Variants in FSTL4 observed in about 807,000 individuals in gnomAD.
The protein encoded by FSTL4 is follistatin like 4.
In FSTL4, 28 loss-of-function variants were observed where a neutral mutation model predicts 78.2. The observed-to-expected ratio is 0.36, with a 90% CI of 0.27 to 0.49. The LOEUF (loss-of-function observed/expected upper bound fraction) is 0.49, where lower values mean the gene tolerates loss of function less well. FSTL4 is among the 20% of genes least tolerant of loss of function. The pLI is 0.98. For synonymous variants in FSTL4, 422 were observed against 440.5 expected, an observed-to-expected ratio of 0.96 and a Z score of 0.53; for missense variants, 922 against 1,084.9, an observed-to-expected ratio of 0.85 and a Z score of 2.11.
At chr5:133,819,182 A>G in the FSTL4 span, among the ~76,000 whole-genome samples, 1 of 151,576 alleles carries the variant, frequency 6.6e-6, no homozygotes, top group African/African-American at 2.4e-5. Flanking sequence ...CAGCTAAAAT[A>G]AGAACCACCT....
chr5:133,424,009 G>T (rs1441962137), intron 3 of FSTL4, among the ~76,000 whole-genome samples: 2 of 152,158 alleles, frequency 1.3e-5, no homozygotes, highest in Non-Finnish European at 2.9e-5. Flanking sequence ...CTGTGTGCAC[G>T]AGGGCAAAGG....
At chr5:133,528,952 A>T (rs186968626) in intron 3 of FSTL4, among the ~76,000 whole-genome samples, 23 of 152,320 alleles carry the variant, frequency 1.5e-4, no homozygotes, top group Non-Finnish European at 2.9e-4. Flanking sequence ...TGTGCATGGC[A>T]GTGAGCAGTG....
chr5:133,669,566 C>A, the FSTL4 span, among the ~76,000 whole-genome samples: 2 of 152,230 alleles, frequency 1.3e-5, no homozygotes, highest in Non-Finnish European at 2.9e-5. Context: ...GCAGCACCAG[C>A]CTGTGGTGTG....
In FSTL4 at chr5:133,352,801, C is replaced by T. The variant is rs563582478; in HGVS notation, c.410-36149G>A. Among the ~76,000 whole-genome samples, 6 of 152,180 alleles carry T rather than the reference C, an allele frequency of 3.9e-5. No homozygotes were observed. The East Asian group carries it at 5.8e-4, about 15-fold the overall frequency. ...AGGAACTCCTTCTTTTTTATGGCTG[C>T]GTAGTATTCCATGGTGTGTATGTAC... On this transcript the variant is annotated intron_variant, in intron 4 of 15. Coordinates refer to ENST00000265342, the MANE Select transcript of FSTL4 (RefSeq NM_015082.2).
the FSTL4 span, among the ~76,000 whole-genome samples, chr5:133,804,921 C>T: frequency 2.3e-3 from 283 of 122,464 alleles, no homozygotes; most frequent in African/African-American, 8.4e-3. Context: ...CCAGCCTGGG[C>T]GACAGAGTGA....
At chr5:133,469,394 T>C (rs533401406) in intron 3 of FSTL4, among the ~76,000 whole-genome samples, 2 of 152,160 alleles carry the variant, frequency 1.3e-5, no homozygotes, top group East Asian at 1.9e-4. Flanking sequence ...CATTGAGATG[T>C]GGCTTTGGGA....
chr5:133,639,806 G>A, the FSTL4 span, among the ~76,000 whole-genome samples: 5 of 152,136 alleles, frequency 3.3e-5, no homozygotes, highest in African/African-American at 9.7e-5. Context: ...TACCAGCTCG[G>A]GGTTGAGCTT....
At chr5:133,529,046 T>C (rs954097748) in intron 3 of FSTL4, among the ~76,000 whole-genome samples, 1 of 152,102 alleles carries the variant, frequency 6.6e-6, no homozygotes, top group Non-Finnish European at 1.5e-5. Flanking sequence ...GGGATGCTGA[T>C]CCCCAGGGTA....
At chr5:133,628,597 T>G in the FSTL4 span, among the ~76,000 whole-genome samples, 5 of 152,182 alleles carry the variant, frequency 3.3e-5, no homozygotes, top group African/African-American at 1.2e-4. Flanking sequence ...CAACCTCAGG[T>G]GATCCACCCA....
At position 133,197,174 on chromosome 5, in the gene FSTL4, C is replaced by T. The variant is rs1178123881; in HGVS notation, c.*1921G>A. 2 of 151,864 alleles carry T rather than the reference C, an allele frequency of 1.3e-5. No individual in the cohort carries two copies. Among genetic ancestry groups the T allele is most frequent in the South Asian group, 2.1e-4 (1 of 4,798 alleles). The allele number at this position is 151,864 out of a possible 1,614,324, so 9.4% of individuals were successfully genotyped here. On this transcript the variant is annotated 3_prime_UTR_variant, in exon 16 of 16. Coordinates refer to ENST00000265342, the MANE Select transcript of FSTL4 (RefSeq NM_015082.2). ...TTAGGCTCAGAGATCCTTTTTCTGTCAGGGGCTGATACAATGGAAATTTTT... is the reference window on the plus strand; with the variant it reads ...TTAGGCTCAGAGATCCTTTTTCTGTTAGGGGCTGATACAATGGAAATTTTT...
At chr5:133,290,420 T>TG (rs1400386606) in intron 6 of FSTL4, among the ~76,000 whole-genome samples, 1 of 152,248 alleles carries the variant, frequency 6.6e-6, no homozygotes, top group Non-Finnish European at 1.5e-5. Context: ...TGAGCCTCTG[T>TG]GGCATGGAGA....
chr5:133,806,950 A>G, the FSTL4 span, among the ~76,000 whole-genome samples: 2 of 152,198 alleles, frequency 1.3e-5, no homozygotes. Flanking sequence ...GCCCATAATC[A>G]TGACTGAAAG....
At chr5:133,710,085 T>A in the FSTL4 span, among the ~76,000 whole-genome samples, 1 of 151,792 alleles carries the variant, frequency 6.6e-6, no homozygotes, top group African/African-American at 2.4e-5. Flanking sequence ...CAGGGAGGAG[T>A]GCCATGAGGC....
chr5:133,841,361 A>G, the FSTL4 span, among the ~76,000 whole-genome samples: 4 of 152,152 alleles, frequency 2.6e-5, no homozygotes, highest in Non-Finnish European at 1.5e-5. Flanking sequence ...AGCACCTACT[A>G]TTTGCCATGC....
At chr5:133,492,716 A>T (rs909470999) in intron 3 of FSTL4, among the ~76,000 whole-genome samples, 2 of 152,216 alleles carry the variant, frequency 1.3e-5, no homozygotes, top group East Asian at 3.9e-4. Flanking sequence ...TTATATCTTT[A>T]AAAAAATTTT....
intron 3 of FSTL4, among the ~76,000 whole-genome samples, chr5:133,410,602 C>A (rs900966069): frequency 6.6e-6 from 1 of 152,204 alleles, no homozygotes; most frequent in East Asian, 1.9e-4. Flanking sequence ...GAGCTAAATT[C>A]TTCCAGGGCC....
chr5:133,752,915 T>C, the FSTL4 span, among the ~76,000 whole-genome samples: 1 of 152,188 alleles, frequency 6.6e-6, no homozygotes, highest in Non-Finnish European at 1.5e-5. Context: ...AGCCCCACAC[T>C]TTCTTTCTTC....
At chr5:133,200,882 A>G (rs1483080709) in intron 15 of FSTL4, among the ~76,000 whole-genome samples, 1 of 152,206 alleles carries the variant, frequency 6.6e-6, no homozygotes, top group African/African-American at 2.4e-5. Context: ...CAAGAAAGAA[A>G]ACTCTGCTCT....
At chr5:133,483,296 T>C (rs1758066318) in intron 3 of FSTL4, among the ~76,000 whole-genome samples, 1 of 152,202 alleles carries the variant, frequency 6.6e-6, no homozygotes, top group South Asian at 2.1e-4. Flanking sequence ...TATTTCTTCA[T>C]AGCAATAAGA....
Sources: allele counts gnomAD v4.1 joint callset (sites outside exome capture counted in the v4.1 genomes callset), GRCh38; gene constraint gnomAD v4.1.1; transcripts MANE v1.5; gene names NCBI Gene and HGNC (gene_info 2026-07-23, HGNC 2026-07-21).